EPHA3: variants seen among roughly 807,000 people sequenced by gnomAD.
EPHA3 encodes EPH receptor A3.
EPHA3 carries 42 observed loss-of-function variants against 107.1 expected under a neutral mutation model. The observed-to-expected ratio is 0.39, with a 90% CI of 0.31 to 0.51. The LOEUF (loss-of-function observed/expected upper bound fraction) is 0.51. Ranked by LOEUF, EPHA3 falls within the 20% of genes least tolerant of loss-of-function variation. The pLI is 0.78. For missense variants in EPHA3, 1,183 were observed against 1,211.2 expected, an observed-to-expected ratio of 0.98 and a Z score of 0.35; for synonymous variants, 461 against 424.8, an observed-to-expected ratio of 1.09 and a Z score of -1.05.
intron 1 of EPHA3, among the ~76,000 whole-genome samples, chr3:89,113,520 A>C (rs1024221567): frequency 9.0e-6 from 1 of 110,756 alleles, no homozygotes; most frequent in African/African-American, 3.3e-5. Flanking sequence ...AAAAGAGGGG[A>C]GGGTGGTCGA....
intron 11 of EPHA3, among the ~76,000 whole-genome samples, chr3:89,420,904 A>G (rs1428442248): frequency 6.6e-6 from 1 of 151,428 alleles, no homozygotes; most frequent in Non-Finnish European, 1.5e-5. Context: ...ATACTATGAC[A>G]TTATTTCATT....
intron 2 of EPHA3, among the ~76,000 whole-genome samples, chr3:89,155,882 C>G (rs535279999): frequency 6.6e-6 from 1 of 152,012 alleles, no homozygotes; most frequent in East Asian, 1.9e-4. Context: ...GGAACCAAGT[C>G]GTACTGCAGT....
At chr3:89,121,750 C>G (rs1403330213) in intron 1 of EPHA3, among the ~76,000 whole-genome samples, 1 of 53,954 alleles carries the variant, frequency 1.9e-5, no homozygotes, top group East Asian at 4.4e-4. Flanking sequence ...AGGGAGACCC[C>G]GTCTCAAAAA....
rs528704262 is a variant in EPHA3 at position 89,107,636 on chromosome 3, A to G, written c.-113A>G. 6.0e-6 allele frequency: 6 copies of G among 1,006,154 alleles called. No homozygotes were observed. Among genetic ancestry groups the G allele is most frequent in the Non-Finnish European group, 7.6e-6 (5 of 656,966 alleles). 62.3% of individuals were successfully genotyped at this position (1,006,154 alleles called of 1,614,324 possible). ...CCTTATCTCCAGTGTCAAACTTGAC[A>G]TCAGCCTGCGAGCGGAGCATGGTAA... On this transcript the variant is annotated 5_prime_UTR_variant, in exon 1 of 17. Coordinates refer to ENST00000336596, the MANE Select transcript of EPHA3 (RefSeq NM_005233.6).
intron 9 of EPHA3, among the ~76,000 whole-genome samples, 170 bp from the exon 10 acceptor site, chr3:89,412,971 T>C (rs910377882): frequency 1.3e-5 from 2 of 151,820 alleles, no homozygotes; most frequent in African/African-American, 2.4e-5. Flanking sequence ...CTTAAATTTT[T>C]CAACACAGTC....
At chr3:89,453,215 A>G (rs1444873933) in intron 15 of EPHA3, among the ~76,000 whole-genome samples, 3 of 150,568 alleles carry the variant, frequency 2.0e-5, no homozygotes, top group Admixed American at 2.0e-4. Context: ...GTAATCACAG[A>G]AAAAAAAAGA....
chr3:89,181,928 G>A (rs747904053), intron 2 of EPHA3, among the ~76,000 whole-genome samples: 1 of 151,792 alleles, frequency 6.6e-6, no homozygotes, highest in Non-Finnish European at 1.5e-5. Context: ...TCGCTGGGAA[G>A]GTTGATGAAA....
chr3:89,111,509 C>A (rs865976411), intron 1 of EPHA3, among the ~76,000 whole-genome samples: 10 of 58,970 alleles, frequency 1.7e-4, no homozygotes, highest in African/African-American at 3.7e-4. Context: ...ACCCCTACAT[C>A]CCCCCCCCAC....
intron 3 of EPHA3, among the ~76,000 whole-genome samples, chr3:89,299,811 T>C (rs1038422255): frequency 4.6e-5 from 7 of 151,922 alleles, no homozygotes; most frequent in African/African-American, 9.7e-5. Flanking sequence ...GTATATGAAA[T>C]AGGAAAATAT....
At chr3:89,114,940 T>G (rs916340622) in intron 1 of EPHA3, among the ~76,000 whole-genome samples, 3 of 152,216 alleles carry the variant, frequency 2.0e-5, no homozygotes, top group African/African-American at 7.2e-5. Context: ...GGATCTACGA[T>G]CGCCCTGCCG....
rs368134710 is a variant in EPHA3, at chr3:89,449,212, T to G, written c.2347-13T>G. 2 of 1,598,682 alleles carry G rather than the reference T, an allele frequency of 1.3e-6. No homozygotes were observed. The highest frequency in any genetic ancestry group is 2.7e-5 in the African/African-American group (2 of 74,652). ...CATTGCTGATTTATGTAGACATGATTTTATATTCAAAGGGAGGGAAGATCC... is the reference window on the plus strand; with the variant it reads ...CATTGCTGATTTATGTAGACATGATGTTATATTCAAAGGGAGGGAAGATCC... On this transcript the variant is annotated splice_polypyrimidine_tract_variant and intron_variant, in intron 13 of 16. Coordinates refer to ENST00000336596, the MANE Select transcript of EPHA3 (RefSeq NM_005233.6).
rs893409416 is a variant in EPHA3 at position 89,476,647 on chromosome 3, G to T, written c.2847-2750G>T. On this transcript the variant is annotated intron_variant, in intron 16 of 16. Coordinates refer to ENST00000336596, the MANE Select transcript of EPHA3 (RefSeq NM_005233.6). ...TTTTGAGGCGGATTCTCGCTCTGTCGCCCAGGCTGGAGTGCAGTGGCGCGA... is the reference window on the plus strand; with the variant it reads ...TTTTGAGGCGGATTCTCGCTCTGTCTCCCAGGCTGGAGTGCAGTGGCGCGA... 2.8e-4 allele frequency among the ~76,000 whole-genome samples: 41 copies of T among 146,588 alleles called. 1 individual carries two copies. Among genetic ancestry groups the T allele is most frequent in the Middle Eastern group, 3.7e-3 (1 of 270 alleles).
At chr3:89,403,644 C>A (rs939819137) in intron 7 of EPHA3, among the ~76,000 whole-genome samples, 6 of 152,094 alleles carry the variant, frequency 3.9e-5, no homozygotes, top group African/African-American at 1.4e-4. Flanking sequence ...TGTTTGGAAA[C>A]CCTCAGTGGG....
chr3:89,250,225 T>G lies in EPHA3; in HGVS notation c.814+39705T>G, dbSNP rs533255976. ...ATTCTCCTTATCAAATCAGCTTCTC[T>G]GAGCCACTTTCCTCTATTAGCAAAG... On this transcript the variant is annotated intron_variant, in intron 3 of 16. Transcript: ENST00000336596. Among the ~76,000 whole-genome samples, 437 of 152,356 alleles carry G rather than the reference T, an allele frequency of 2.9e-3. 2 individuals carry two copies. The highest frequency in any genetic ancestry group is 7.5e-3 in the African/African-American group (313 of 41,592).
intron 3 of EPHA3, among the ~76,000 whole-genome samples, chr3:89,275,551 A>G (rs2107305485): frequency 6.6e-6 from 1 of 152,244 alleles, no homozygotes; most frequent in East Asian, 1.9e-4. Flanking sequence ...GGTTCAAATG[A>G]GATATTGTAA....
chr3:89,180,703 C>G (rs1183939851), intron 2 of EPHA3, among the ~76,000 whole-genome samples: 2 of 151,858 alleles, frequency 1.3e-5, no homozygotes, highest in Admixed American at 6.6e-5. Context: ...TTGACTCCAG[C>G]TTTGTCATTT....
intron 2 of EPHA3, among the ~76,000 whole-genome samples, chr3:89,166,187 A>C (rs1705059800): frequency 6.6e-6 from 1 of 152,154 alleles, no homozygotes; most frequent in Admixed American, 6.5e-5. Context: ...AAGTAGGTTT[A>C]AGAACCACCT....
intron 3 of EPHA3, among the ~76,000 whole-genome samples, chr3:89,328,567 A>G (rs9873545): frequency 0.46 from 69,857 of 152,006 alleles, 16,326 homozygotes; most frequent in African/African-American, 0.5. Flanking sequence ...GCAGGATTGC[A>G]TGTTAATGCT....
At chr3:89,382,026 T>C (rs754200265) in intron 5 of EPHA3, among the ~76,000 whole-genome samples, 72 of 152,102 alleles carry the variant, frequency 4.7e-4, no homozygotes, top group Non-Finnish European at 8.1e-4. Flanking sequence ...TACAGCAAGA[T>C]TGTATACATG....
Sources: allele counts gnomAD v4.1 joint callset (sites outside exome capture counted in the v4.1 genomes callset), GRCh38; gene constraint gnomAD v4.1.1; transcripts MANE v1.5; gene names NCBI Gene and HGNC (gene_info 2026-07-23, HGNC 2026-07-21).